MORN1: variants seen among roughly 807,000 people sequenced by gnomAD.
MORN1 encodes the protein MORN repeat-containing protein 1.
In MORN1, 67 loss-of-function variants were observed where a neutral mutation model predicts 61.9. That is an observed-to-expected ratio of 1.08 (90% CI 0.89 to 1.33). MORN1 has a LOEUF of 1.33. Ranked by LOEUF, MORN1 falls within the 40% of genes most tolerant of loss-of-function variation. The pLI, the probability that MORN1 is intolerant of heterozygous loss-of-function variation, is 0.00. For synonymous variants in MORN1, 301 were observed against 292.0 expected (o/e 1.03, Z -0.31); for missense variants, 752 against 691.2 (o/e 1.09, Z -0.99).
intron 7 of MORN1, among the ~76,000 whole-genome samples, chr1:2,373,349 G>A (rs1162913989): frequency 1.3e-5 from 2 of 152,238 alleles, no homozygotes; most frequent in South Asian, 2.1e-4. Context: ...GGCCCCTGTG[G>A]GAGCTCCTGC....
chr1:2,360,477 C>T (rs1407153460), intron 8 of MORN1, among the ~76,000 whole-genome samples: 3 of 152,186 alleles, frequency 2.0e-5, no homozygotes, highest in Non-Finnish European at 2.9e-5. Flanking sequence ...CTTAAAAGAA[C>T]GTGCAGGATG....
At chr1:2,383,204 G>A (rs1642411109) in intron 6 of MORN1, among the ~76,000 whole-genome samples, 1 of 152,202 alleles carries the variant, frequency 6.6e-6, no homozygotes, top group Admixed American at 6.5e-5. Flanking sequence ...CAAGTGCAAT[G>A]CCAGGCTTTG....
intron 8 of MORN1, among the ~76,000 whole-genome samples, chr1:2,360,354 C>A (rs1641867954): frequency 6.6e-6 from 1 of 152,182 alleles, no homozygotes; most frequent in Non-Finnish European, 1.5e-5. Flanking sequence ...ACCAAGAAAG[C>A]CGACAAAGTG....
chr1:2,363,806 A>AAACAAC (rs1553217337), intron 8 of MORN1, among the ~76,000 whole-genome samples: 7 of 69,858 alleles, frequency 1.0e-4, no homozygotes, highest in Non-Finnish European at 5.5e-5. Flanking sequence ...ACAAACAAAC[A>AAACAAC]AAAAAATATA....
chr1:2,388,306 A>G lies in MORN1; in HGVS notation c.180T>C (p.Ser60=). ...GHGKLLFKDG[S]YYEGAFVDGE... ...CGTCCACAAACGCCCCTTCGTAATA[A>G]CTGCCATCTTTAAATAACAACTTCC... is the stretch of plus-strand genomic sequence containing the variant. The change falls in exon 3 of 14, where the codon AGT becomes AGC. Residue 60 remains serine (S), a synonymous_variant. Coordinates refer to ENST00000378531, the MANE Select transcript of MORN1 (RefSeq NM_024848.3). 1 of 1,613,962 alleles carries G rather than the reference A, an allele frequency of 6.2e-7. No individual in the cohort carries two copies. The highest frequency in any genetic ancestry group is 8.5e-7 in the Non-Finnish European group (1 of 1,179,958).
intron 10 of MORN1, among the ~76,000 whole-genome samples, chr1:2,346,124 GGGAACCTTCCTCACACAAAGCCACCA>G (rs1641511705): frequency 6.7e-6 from 1 of 149,364 alleles, no homozygotes; most frequent in South Asian, 2.1e-4. Context: ...AAAGCCACCA[GGGAACCTTCCTCACACAAAGCCACCA>G]GGAACCTTCC....
At chr1:2,335,834 A>AGCCCAGCCCGGCCCGGCCCGGCCCG (rs1553208757) in intron 12 of MORN1, among the ~76,000 whole-genome samples, 2 of 143,018 alleles carry the variant, frequency 1.4e-5, no homozygotes, top group African/African-American at 6.0e-5. Context: ...TCCATAGCCC[A>AGCCCAGCCCGGCCCGGCCCGGCCCG]GCCCAGCCCA....
At position 2,357,552 on chromosome 1, in the gene MORN1, C is replaced by T. The variant is rs1557880372; in HGVS notation, c.916G>A (p.Val306Met). The T allele has an allele frequency of 1.2e-6, 2 of 1,612,016 alleles. No individual in the cohort carries two copies. Among genetic ancestry groups the T allele is most frequent in the Non-Finnish European group, 1.7e-6 (2 of 1,179,234 alleles). Reference sequence around the variant, plus strand: ...CCCTTGGCAGCTCTGGGCCCCGGCACCCCAGCTGCGGGGCTGGACACAGGA... The same window carrying T: ...CCCTTGGCAGCTCTGGGCCCCGGCATCCCAGCTGCGGGGCTGGACACAGGA... Reference protein sequence around the residue: ...PYPVSSPAAGVPGPRAAKGGA... With the variant: ...PYPVSSPAAGMPGPRAAKGGA... The change falls in exon 10 of 14, where the codon GTG becomes ATG. Residue 306 changes from valine (V) to methionine (M), a missense_variant. Coordinates refer to ENST00000378531, the MANE Select transcript of MORN1 (RefSeq NM_024848.3). This position sits in a 1 kb window ranked among gnomAD's most constrained non-coding sequence, Gnocchi z 6.3.
At chr1:2,325,494 G>A (rs72642144) in intron 12 of MORN1, among the ~76,000 whole-genome samples, 34,629 of 151,248 alleles carry the variant, frequency 0.23, 6,007 homozygotes, top group African/African-American at 0.48. Flanking sequence ...GACCACAGGA[G>A]TGTGCCACCA....
At chr1:2,345,387 T>C (rs1426990361) in intron 10 of MORN1, among the ~76,000 whole-genome samples, 3 of 152,224 alleles carry the variant, frequency 2.0e-5, no homozygotes, top group Non-Finnish European at 2.9e-5. Flanking sequence ...GCCGGCCTTG[T>C]TGGGGGACAC....
chr1:2,334,714 A>G lies in MORN1; in HGVS notation c.1250+1755T>C, dbSNP rs1237665993. Among the ~76,000 whole-genome samples the G allele has an allele frequency of 6.6e-6, 1 of 152,224 alleles. No individual in the cohort carries two copies. The highest frequency in any genetic ancestry group is 2.4e-5 in the African/African-American group (1 of 41,464). On this transcript the variant is annotated intron_variant, in intron 12 of 13. Coordinates refer to ENST00000378531, the MANE Select transcript of MORN1 (RefSeq NM_024848.3). The surrounding 1 kb of genome is among the most constrained non-coding windows in gnomAD (Gnocchi z 5.4). Reference sequence around the variant, plus strand: ...GCGGCCAGGTCGTCCTGGGATTGAAACAATCCTAGTCCAACGACACTTAAC... The same window carrying G: ...GCGGCCAGGTCGTCCTGGGATTGAAGCAATCCTAGTCCAACGACACTTAAC...
chr1:2,365,543 CTTTA>C (rs1475785339), intron 8 of MORN1, among the ~76,000 whole-genome samples: 4 of 149,240 alleles, frequency 2.7e-5, no homozygotes. Context: ...ACTGAATACC[CTTTA>C]TTTCCTTCTC....
chr1:2,385,100 G>C (rs765764302), intron 5 of MORN1, 35 bp from the exon 6 acceptor site: 1 of 1,553,996 alleles, frequency 6.4e-7, no homozygotes, highest in Non-Finnish European at 8.7e-7. Context: ...ACTCTCAACA[G>C]GGGGAGCCGG....
chr1:2,366,080 A>G (rs1191987892), intron 8 of MORN1, among the ~76,000 whole-genome samples: 10 of 148,560 alleles, frequency 6.7e-5, no homozygotes, highest in African/African-American at 2.5e-4. Flanking sequence ...ACCAACCCAA[A>G]TGTCCAACAA....
intron 10 of MORN1, among the ~76,000 whole-genome samples, chr1:2,340,900 A>G (rs1344821572): frequency 6.6e-6 from 1 of 152,224 alleles, no homozygotes; most frequent in Non-Finnish European, 1.5e-5. Context: ...AGACGGCCAC[A>G]TAGGCCATGG....
At chr1:2,367,306 C>CAATCA (rs1642017232) in intron 8 of MORN1, among the ~76,000 whole-genome samples, 1 of 132,812 alleles carries the variant, frequency 7.5e-6, no homozygotes, top group Non-Finnish European at 1.6e-5. Flanking sequence ...ATTGCTCTAT[C>CAATCA]AAAAAAAAAA....
intron 10 of MORN1, chr1:2,350,478 C>T (rs1641620256): frequency 6.6e-6 from 1 of 152,272 alleles, no homozygotes; most frequent in South Asian, 2.1e-4. Context: ...TTGTTTCTGG[C>T]TGCTCTCGGG....
intron 10 of MORN1, among the ~76,000 whole-genome samples, chr1:2,339,617 C>G (rs1641352119): frequency 6.6e-6 from 1 of 152,216 alleles, no homozygotes; most frequent in South Asian, 2.1e-4. Flanking sequence ...CCAAGGCTCC[C>G]CACTGCCCTG....
At chr1:2,385,772 A>T (rs750042892) in intron 5 of MORN1, 35 bp downstream of exon 5, 1 of 1,589,868 alleles carries the variant, frequency 6.3e-7, no homozygotes, top group Non-Finnish European at 8.6e-7. Flanking sequence ...TGTATCTGTC[A>T]TGCGCCAGGC....
Sources: gnomAD v4.1 joint callset for allele counts (sites outside exome capture counted in the v4.1 genomes callset) on GRCh38, gnomAD v4.1.1 for gene constraint, Gnocchi (gnomAD v3.1) non-coding constraint, MANE v1.5 for transcripts, NCBI Gene and HGNC (gene_info 2026-07-23, HGNC 2026-07-21) for gene names.